The following RGSL1 variants were observed in gnomAD, a reference collection of about 807,000 sequenced individuals.
The protein encoded by RGSL1 is regulator of G protein signaling protein-like.
In RGSL1, 97 loss-of-function variants were observed where a neutral mutation model predicts 124.7. That is an observed-to-expected ratio of 0.78 (90% CI 0.66 to 0.92). The LOEUF is 0.92. Among genes scored for constraint, RGSL1 ranks in the 40% least tolerant of loss-of-function variants. The probability of loss-of-function intolerance (pLI) is 0.00; values close to 1 mark genes in which losing one functional copy is unlikely to be tolerated. For missense variants in RGSL1, 1,233 were observed against 1,288.4 expected, an observed-to-expected ratio of 0.96 and a Z score of 0.66; for synonymous variants, 424 against 438.1, an observed-to-expected ratio of 0.97 and a Z score of 0.40.
At chr1:182,558,591 G>A (rs1004161931) in intron 21 of RGSL1, among the ~76,000 whole-genome samples, 1 of 152,122 alleles carries the variant, frequency 6.6e-6, no homozygotes, top group African/African-American at 2.4e-5. Flanking sequence ...ACAGGATGGA[G>A]GTCTCACTTC....
chr1:182,453,619 G>A, intron 1 of RGSL1: 1 of 191,340 alleles, frequency 5.2e-6, no homozygotes, highest in Non-Finnish European at 1.1e-5. Context: ...GGGGACTTAA[G>A]TGAATTCTGT....
intron 1 of RGSL1, among the ~76,000 whole-genome samples, chr1:182,451,217 C>T (rs1435591708): frequency 1.3e-5 from 2 of 149,366 alleles, no homozygotes; most frequent in Non-Finnish European, 3.0e-5. Context: ...AGAACTTAGA[C>T]ATTGTGCAAA....
intron 9 of RGSL1, among the ~76,000 whole-genome samples, chr1:182,511,626 T>C (rs552590267): frequency 2.0e-5 from 3 of 152,334 alleles, no homozygotes; most frequent in Non-Finnish European, 4.4e-5. Context: ...TCTGTTTCCA[T>C]GGTGCTGATT....
At chr1:182,466,035 A>G (rs1191488706) in intron 4 of RGSL1, among the ~76,000 whole-genome samples, 1 of 152,206 alleles carries the variant, frequency 6.6e-6, no homozygotes, top group Non-Finnish European at 1.5e-5. Context: ...AATGTAATAT[A>G]CCACATTAAC....
At chr1:182,483,729 T>C (rs1654883642) in intron 6 of RGSL1, among the ~76,000 whole-genome samples, 1 of 152,164 alleles carries the variant, frequency 6.6e-6, no homozygotes, top group Non-Finnish European at 1.5e-5. Flanking sequence ...ATTGTACAGA[T>C]TAGTAGCACT....
At chr1:182,551,393 G>A (rs779526747) in intron 18 of RGSL1, among the ~76,000 whole-genome samples, 184 bp downstream of exon 18, 2 of 152,194 alleles carry the variant, frequency 1.3e-5, no homozygotes, top group Non-Finnish European at 2.9e-5. Flanking sequence ...CCTGTCACTA[G>A]CAGTGCTAGC....
chr1:182,551,308 G>C (rs749867760), intron 18 of RGSL1, 99 bp downstream of exon 18: 2 of 941,908 alleles, frequency 2.1e-6, no homozygotes, highest in Non-Finnish European at 3.2e-6. Flanking sequence ...TTCCTTGAGG[G>C]TGTTTGCTGG....
intron 3 of RGSL1, among the ~76,000 whole-genome samples, chr1:182,459,493 A>G (rs1352694009): frequency 6.6e-6 from 1 of 152,172 alleles, no homozygotes; most frequent in Non-Finnish European, 1.5e-5. Flanking sequence ...GCTGAAAAAA[A>G]TTACCTCCTT....
intron 6 of RGSL1, among the ~76,000 whole-genome samples, chr1:182,479,399 T>A (rs1363608806): frequency 1.3e-5 from 2 of 152,174 alleles, no homozygotes; most frequent in Admixed American, 1.3e-4. Context: ...AGTTATCAGC[T>A]TAAAGCAATT....
At position 182,487,621 on chromosome 1, in the gene RGSL1, G is replaced by A. The variant is rs541806444; in HGVS notation, c.1432-664G>A. ...TTTCCCTGACTGAATCAGAAGCTTT[G>A]TTAATACCTCTGTTAGAGCATGTGT... On this transcript the variant is annotated intron_variant, in intron 6 of 21. Coordinates refer to ENST00000294854, the MANE Select transcript of RGSL1 (RefSeq NM_001137669.2). 1.3e-5 allele frequency among the ~76,000 whole-genome samples: 2 copies of A among 152,292 alleles called. 1 individual carries two copies. Among genetic ancestry groups the A allele is most frequent in the African/African-American group, 4.8e-5 (2 of 41,552 alleles).
At chr1:182,544,888 G>A (rs1660114682) in intron 15 of RGSL1, among the ~76,000 whole-genome samples, 1 of 151,944 alleles carries the variant, frequency 6.6e-6, no homozygotes, top group Non-Finnish European at 1.5e-5. Context: ...TGTTTTTATA[G>A]CTGAAGTGGG....
intron 9 of RGSL1, among the ~76,000 whole-genome samples, chr1:182,509,296 G>A (rs1657116563): frequency 2.4e-5 from 1 of 41,966 alleles, no homozygotes; most frequent in African/African-American, 6.6e-5. Context: ...CCCGGACGGG[G>A]CGGCTGGCCG....
rs74128930 is a variant in RGSL1 at position 182,478,653 on chromosome 1, A to G, written c.1431+4111A>G. 7.9e-3 allele frequency among the ~76,000 whole-genome samples: 1,209 copies of G among 152,262 alleles called. 26 individuals carry two copies. Among genetic ancestry groups the G allele is most frequent in the African/African-American group, 0.028 (1,166 of 41,548 alleles). On this transcript the variant is annotated intron_variant, in intron 6 of 21. Transcript: ENST00000294854. Reference sequence around the variant, plus strand: ...GAAGTCTCAGAAGGAGAAGCAAGAGAAAAAGGGATAGAAAGCTTATTTAAA... The same window carrying G: ...GAAGTCTCAGAAGGAGAAGCAAGAGGAAAAGGGATAGAAAGCTTATTTAAA...
chr1:182,478,125 C>T (rs113906592), intron 6 of RGSL1, among the ~76,000 whole-genome samples: 2,718 of 152,208 alleles, frequency 0.018, 81 homozygotes, highest in African/African-American at 0.062. Flanking sequence ...CTCTGTCACC[C>T]AGGCTGGAAT....
At chr1:182,475,515 G>T (rs576307178) in intron 6 of RGSL1, among the ~76,000 whole-genome samples, 1 of 152,284 alleles carries the variant, frequency 6.6e-6, no homozygotes, top group East Asian at 1.9e-4. Flanking sequence ...TCATTCCTAG[G>T]TATGAAGAAC....
At chr1:182,494,204 C>T (rs1655741076) in intron 9 of RGSL1, among the ~76,000 whole-genome samples, 1 of 152,200 alleles carries the variant, frequency 6.6e-6, no homozygotes, top group African/African-American at 2.4e-5. Context: ...GTGAATTGTC[C>T]AGTATCTGCT....
chr1:182,551,058 C>T lies in RGSL1; in HGVS notation c.2934-42C>T. The T allele has an allele frequency of 2.1e-6, 3 of 1,409,554 alleles. No individual in the cohort carries two copies. In the South Asian group the frequency reaches 3.7e-5, roughly 17 times the overall value. The allele number at this position is 1,409,554 out of a possible 1,614,324, so 87.3% of individuals were successfully genotyped here. On this transcript the variant is annotated intron_variant, in intron 17 of 21. Transcript: ENST00000294854. ...GTGCTCGGTGCTCCAGCCCCCTCCA[C>T]TGGGGGTTCCCTCCTATGACCAGAA...
intron 15 of RGSL1, among the ~76,000 whole-genome samples, chr1:182,543,387 C>G (rs1476640723): frequency 6.6e-6 from 1 of 152,042 alleles, no homozygotes; most frequent in Non-Finnish European, 1.5e-5. Context: ...CCTTGTATTC[C>G]TGGGATGAAT....
At chr1:182,543,683 C>G (rs964568260) in intron 15 of RGSL1, among the ~76,000 whole-genome samples, 2 of 151,884 alleles carry the variant, frequency 1.3e-5, no homozygotes, top group Admixed American at 1.3e-4. Context: ...TTTTCTTTGA[C>G]GGGAAACTTA....
Sources: allele counts gnomAD v4.1 joint callset (sites outside exome capture counted in the v4.1 genomes callset), GRCh38; gene constraint gnomAD v4.1.1; transcripts MANE v1.5; gene names NCBI Gene and HGNC (gene_info 2026-07-23, HGNC 2026-07-21).